RFX3: variants seen among roughly 807,000 people sequenced by gnomAD.
The protein encoded by RFX3 is transcription factor RFX3.
RFX3 carries 14 observed loss-of-function variants against 98.6 expected under a neutral mutation model. The observed-to-expected ratio is 0.14, with a 90% CI of 0.09 to 0.22. RFX3 has a LOEUF of 0.22. RFX3 is among the 10% of genes least tolerant of loss of function. The probability of loss-of-function intolerance (pLI) is 1.00; values close to 1 mark genes in which losing one functional copy is unlikely to be tolerated. For missense variants in RFX3, 639 were observed against 926.9 expected (o/e 0.69, Z 4.03); for synonymous variants, 383 against 328.4 (o/e 1.17, Z -1.80).
chr9:3,285,280 A>T (rs1389870826), intron 7 of RFX3, among the ~76,000 whole-genome samples: 1 of 151,778 alleles, frequency 6.6e-6, no homozygotes, highest in East Asian at 1.9e-4. Context: ...AACCTTTCAC[A>T]TGTCATTTGT....
At chr9:3,426,229 T>A (rs1161718067) in intron 1 of RFX3, among the ~76,000 whole-genome samples, 1 of 152,126 alleles carries the variant, frequency 6.6e-6, no homozygotes, top group Non-Finnish European at 1.5e-5. Context: ...TTTTTTTAAC[T>A]GACGTATTCA....
At chr9:3,461,267 C>T (rs1847662986) in intron 1 of RFX3, among the ~76,000 whole-genome samples, 1 of 151,774 alleles carries the variant, frequency 6.6e-6, no homozygotes, top group Non-Finnish European at 1.5e-5. Flanking sequence ...CAATAAAGTT[C>T]ACCATTTTTA....
intron 15 of RFX3, among the ~76,000 whole-genome samples, chr9:3,243,554 GTATA>G (rs1474124137): frequency 2.0e-5 from 3 of 152,122 alleles, no homozygotes. Context: ...TTGTATGCTT[GTATA>G]TATCTTGTTT....
At chr9:3,410,429 C>G (rs1842369268) in intron 1 of RFX3, among the ~76,000 whole-genome samples, 1 of 152,022 alleles carries the variant, frequency 6.6e-6, no homozygotes, top group South Asian at 2.1e-4. Flanking sequence ...CAAACTGACT[C>G]TATTTATACT....
At chr9:3,284,845 T>G (rs1826369179) in intron 7 of RFX3, among the ~76,000 whole-genome samples, 1 of 151,732 alleles carries the variant, frequency 6.6e-6, no homozygotes, top group South Asian at 2.1e-4. Context: ...GCAGGCTCTA[T>G]GACATCTGCT....
chr9:3,417,269 C>T (rs961902492), intron 1 of RFX3, among the ~76,000 whole-genome samples: 2 of 151,900 alleles, frequency 1.3e-5, no homozygotes, highest in Non-Finnish European at 2.9e-5. Context: ...TTTTATACCC[C>T]TTTTAATGAT....
chr9:3,459,981 A>G (rs914011226), intron 1 of RFX3, among the ~76,000 whole-genome samples: 10 of 152,162 alleles, frequency 6.6e-5, no homozygotes, highest in African/African-American at 2.2e-4. Flanking sequence ...TAATCGAGGA[A>G]AGGGGTTTTA....
intron 4 of RFX3, among the ~76,000 whole-genome samples, chr9:3,306,254 T>C (rs1829302618): frequency 1.3e-5 from 2 of 152,058 alleles, no homozygotes; most frequent in South Asian, 4.1e-4. Context: ...TATATCCCCA[T>C]AGCTTCATGC....
chr9:3,333,888 G>T (rs1480391572), intron 3 of RFX3, among the ~76,000 whole-genome samples: 1 of 152,070 alleles, frequency 6.6e-6, no homozygotes, highest in Non-Finnish European at 1.5e-5. Flanking sequence ...CTATGCAGCA[G>T]ACACTATTCT....
chr9:3,344,205 T>C (rs1040517781), intron 3 of RFX3, among the ~76,000 whole-genome samples: 10 of 152,190 alleles, frequency 6.6e-5, no homozygotes, highest in Admixed American at 3.3e-4. Context: ...CTAATGTTCA[T>C]TGAGTGTGTC....
At chr9:3,243,916 C>A (rs1229864917) in intron 15 of RFX3, among the ~76,000 whole-genome samples, 1 of 152,134 alleles carries the variant, frequency 6.6e-6, no homozygotes, top group Admixed American at 6.6e-5. Context: ...GGTTTCAGAA[C>A]CTGATTTCAC....
At chr9:3,250,094 A>G (rs1331064481) in intron 14 of RFX3, among the ~76,000 whole-genome samples, 2 of 151,996 alleles carry the variant, frequency 1.3e-5, no homozygotes, top group African/African-American at 2.4e-5. Context: ...TAAGAGTTAT[A>G]TGAAAATAAA....
chr9:3,456,975 C>A (rs558773224), intron 1 of RFX3, among the ~76,000 whole-genome samples: 2 of 151,568 alleles, frequency 1.3e-5, no homozygotes, highest in South Asian at 2.1e-4. Context: ...GGTGAAACCC[C>A]GTCTCTACTA....
chr9:3,301,388 A>G (rs1828641865), intron 5 of RFX3, among the ~76,000 whole-genome samples, 158 bp downstream of exon 5: 1 of 151,900 alleles, frequency 6.6e-6, no homozygotes, highest in Admixed American at 6.6e-5. Context: ...ATTTCACTGT[A>G]CAAAATAGCC....
intron 15 of RFX3, among the ~76,000 whole-genome samples, chr9:3,234,747 G>C (rs1818912495): frequency 6.6e-6 from 1 of 152,188 alleles, no homozygotes; most frequent in Non-Finnish European, 1.5e-5. Flanking sequence ...GTGGACCACT[G>C]TTTGCTGACA....
intron 14 of RFX3, among the ~76,000 whole-genome samples, chr9:3,252,077 A>G (rs553086295): frequency 6.6e-6 from 1 of 152,246 alleles, no homozygotes; most frequent in South Asian, 2.1e-4. Flanking sequence ...CGAACTCCCG[A>G]CCTCAGGTGA....
At chr9:3,515,662 C>G (rs1418749192) in intron 1 of RFX3, among the ~76,000 whole-genome samples, 1 of 152,144 alleles carries the variant, frequency 6.6e-6, no homozygotes, top group Non-Finnish European at 1.5e-5. Flanking sequence ...ATGGAGGAAA[C>G]TTAACTGACA....
chr9:3,303,986 G>A (rs955243581), intron 4 of RFX3, among the ~76,000 whole-genome samples: 6 of 151,950 alleles, frequency 3.9e-5, no homozygotes, highest in East Asian at 1.9e-4. Context: ...TGTGTAGCCC[G>A]GGGAATGGAA....
chr9:3,270,301 CACTTCTCAAA>C, intron 11 of RFX3, 60 bp downstream of exon 11: 1 of 1,434,508 alleles, frequency 7.0e-7, no homozygotes. Context: ...ATTGCAATGT[CACTTCTCAAA>C]ACTTCCTGGG....
Sources: gnomAD v4.1 joint callset for allele counts (sites outside exome capture counted in the v4.1 genomes callset) on GRCh38, gnomAD v4.1.1 for gene constraint, MANE v1.5 for transcripts, NCBI Gene and HGNC (gene_info 2026-07-23, HGNC 2026-07-21) for gene names.